Variants in MED25 observed in about 807,000 individuals in gnomAD.
MED25 encodes the protein mediator complex subunit 25, also known as mediator of RNA polymerase II transcription subunit 25.
MED25 carries 62 observed loss-of-function variants against 89.4 expected under a neutral mutation model. The ratio of observed to expected loss-of-function variants is 0.69; its 90% CI spans 0.57 to 0.86. The LOEUF is 0.86. MED25 is among the 40% of genes least tolerant of loss of function. MED25 has a pLI of 0.00. For synonymous variants in MED25, 449 were observed against 427.9 expected (o/e 1.05, Z -0.61); for missense variants, 905 against 1,005.2 (o/e 0.90, Z 1.35).
rs1055260585 is a variant in MED25, at chr19:49,818,439, A to T, written c.98A>T (p.Glu33Val). ...EGTANLGPYF[E>V]GLRKHYLLPA... ...ACGGCCAACCTGGGACCCTACTTCG[A>T]GGGGCTCCGCAAGCACTACCTGCTC... The change falls in exon 1 of 18, where the codon GAG (glutamate) becomes GTG (valine). Residue 33 changes from glutamate (E) to valine (V), a missense_variant. Around this residue, in one of 3 missense-constraint regions of MED25, gnomAD observed 501 missense variants for 526.9 expected, o/e 0.95. Coordinates refer to ENST00000312865, the MANE Select transcript of MED25 (RefSeq NM_030973.4). The T allele has an allele frequency of 6.2e-7, 1 of 1,613,880 alleles. No individual in the cohort carries two copies. Among genetic ancestry groups the T allele is most frequent in the South Asian group, 1.1e-5 (1 of 91,090 alleles).
Position 49,836,868 on chromosome 19 carries a change from G to T in MED25, c.2168G>T (p.Gly723Val). ...TCAGGTCAGATGCTGCTGAGCGGGG[G>T]TCCCCGGGGCCCGGTCCCCCAGCCG... ...PLPGQMLLSG[G>V]PRGPVPQPGL... The change falls in exon 18 of 18, where the codon GGT becomes GTT. Residue 723 changes from glycine to valine, a missense_variant. Gly to Val is a moderately radical substitution (Grantham distance 109). Around this residue, in one of 3 missense-constraint regions of MED25, gnomAD observed 271 missense variants for 258.1 expected, o/e 1.05. Coordinates refer to ENST00000312865, the MANE Select transcript of MED25 (RefSeq NM_030973.4). The surrounding 1 kb of genome is among the most constrained non-coding windows in gnomAD (Gnocchi z 5.1). 1 of 1,611,778 alleles carries T rather than the reference G, an allele frequency of 6.2e-7. No individual in the cohort carries two copies. The highest frequency in any genetic ancestry group is 1.1e-5 in the South Asian group (1 of 90,794).
chr19:49,818,988 C>T (rs117491473), intron 2 of MED25, 184 bp from the exon 3 acceptor site: 22,788 of 716,360 alleles, frequency 0.032, 811 homozygotes, highest in South Asian at 0.12. Flanking sequence ...GAGGAGGGGC[C>T]GGGGGCCTGG....
Position 49,834,585 on chromosome 19 carries a change from C to A in MED25, c.1483-401C>A. On this transcript the variant is annotated intron_variant, in intron 13 of 17. Coordinates refer to ENST00000312865, the MANE Select transcript of MED25 (RefSeq NM_030973.4). This position sits in a 1 kb window ranked among gnomAD's most constrained non-coding sequence, Gnocchi z 4.1. Reference sequence around the variant, plus strand: ...GAGGATCTCTTGGATACCCGGGGTCCGACCCACCGTTGATCACAGGCCTGT... The same window carrying A: ...GAGGATCTCTTGGATACCCGGGGTCAGACCCACCGTTGATCACAGGCCTGT... 3.2e-6 allele frequency: 1 copy of A among 308,024 alleles called. No individual in the cohort carries two copies. The highest frequency in any genetic ancestry group is 3.1e-5 in the South Asian group (1 of 32,364). The allele number at this position is 308,024 out of a possible 1,614,324, so 19.1% of individuals were successfully genotyped here.
At chr19:49,838,928 G>T, downstream of MED25, 1 of 372,068 alleles carries the variant, frequency 2.7e-6, no homozygotes, top group Admixed American at 3.4e-5. Flanking sequence ...ACAGCAGATG[G>T]CAAGTTTATA....
chr19:49,820,416 T>C lies in MED25; in HGVS notation c.305+1120T>C, dbSNP rs180674074. ...TGCTATGCAACCCAGATGTCCCTTA[T>C]CTAGGTTAGCCTAGGCACGGGCTTA... On this transcript the variant is annotated intron_variant, in intron 3 of 17. Coordinates refer to ENST00000312865, the MANE Select transcript of MED25 (RefSeq NM_030973.4). Among the ~76,000 whole-genome samples the C allele has an allele frequency of 1.2e-4, 18 of 152,372 alleles. No homozygotes were observed. In the East Asian group the frequency reaches 2.7e-3, roughly 23 times the overall value.
At position 49,835,795 on chromosome 19, in the gene MED25, C is replaced by G. The variant is rs1404881050; in HGVS notation, c.1815C>G (p.Pro605=). The G allele has an allele frequency of 6.2e-7, 1 of 1,607,958 alleles. No homozygotes were observed. The highest frequency in any genetic ancestry group is 8.5e-7 in the Non-Finnish European group (1 of 1,176,280). ...TVGASGATGQ[P]QPQGTAQPPP... ...GGGCCTCTGGGGCCACGGGGCAGCC[C>G]CAGCCCCAAGGTACTGCCCAGCCCC... The change falls in exon 16 of 18, where the codon CCC becomes CCG. Residue 605 remains proline (P), a synonymous_variant. Transcript: ENST00000312865. The surrounding 1 kb of genome is among the most constrained non-coding windows in gnomAD (Gnocchi z 6.2).
At position 49,836,412 on chromosome 19, in the gene MED25, G is replaced by A. The variant is rs756773643; in HGVS notation, c.2146+6G>A. On this transcript the variant is annotated splice_donor_region_variant and intron_variant, in intron 17 of 17. Transcript: ENST00000312865. This position sits in a 1 kb window ranked among gnomAD's most constrained non-coding sequence, Gnocchi z 5.1. The stretch of plus-strand genomic sequence containing the variant: ...CCCTCGGGCTCCACTGCCAGGTAAG[G>A]GGACCCGGGGGAGGGCAGAGGTCTG... The A allele has an allele frequency of 4.4e-6, 7 of 1,580,326 alleles. No homozygotes were observed. Among genetic ancestry groups the A allele is most frequent in the Non-Finnish European group, 3.4e-6 (4 of 1,162,752 alleles).
In MED25 at chr19:49,828,328, C is replaced by T. The variant is rs570231985; in HGVS notation, c.306-121C>T. ...TGGGTAGGGAACTCAGCAGGGTCCC[C>T]GTCATCCCAAGGTGCATAGCCCAGG... is the stretch of plus-strand genomic sequence containing the variant. On this transcript the variant is annotated intron_variant, in intron 3 of 17. Transcript: ENST00000312865. The T allele has an allele frequency of 1.7e-4, 124 of 743,132 alleles. 1 individual carries two copies. Among genetic ancestry groups the T allele is most frequent in the Non-Finnish European group, 1.1e-4 (45 of 409,944 alleles). 46.0% of individuals were successfully genotyped at this position (743,132 alleles called of 1,614,324 possible). A position where few individuals can be genotyped will look rare whatever the true frequency, so the allele number is the denominator to read the frequency against.
At chr19:49,825,275 GTCTC>G (rs547971264) in intron 3 of MED25, among the ~76,000 whole-genome samples, 1 of 151,604 alleles carries the variant, frequency 6.6e-6, no homozygotes, top group Non-Finnish European at 1.5e-5. Context: ...TTGAGATGGA[GTCTC>G]TCTCTCTCTC....
rs1025427946 is a variant in MED25, at chr19:49,836,091, C to T, written c.1966-135C>T. 35 of 1,511,494 alleles carry T rather than the reference C, an allele frequency of 2.3e-5. No homozygotes were observed. Among genetic ancestry groups the T allele is most frequent in the Admixed American group, 7.8e-5 (4 of 51,422 alleles). 93.6% of individuals were successfully genotyped at this position (1,511,494 alleles called of 1,614,324 possible). On this transcript the variant is annotated intron_variant, in intron 16 of 17. Coordinates refer to ENST00000312865, the MANE Select transcript of MED25 (RefSeq NM_030973.4). The surrounding 1 kb of genome is among the most constrained non-coding windows in gnomAD (Gnocchi z 5.1). Reference sequence around the variant, plus strand: ...GCTTTAGGCAGAAGGCAGACCGCCTCCTCTCCGTCCATCCCCCACCTTTGA... The same window carrying T: ...GCTTTAGGCAGAAGGCAGACCGCCTTCTCTCCGTCCATCCCCCACCTTTGA...
At chr19:49,818,919 G>A (rs982719803) in intron 2 of MED25, 3 of 578,894 alleles carry the variant, frequency 5.2e-6, no homozygotes, top group Admixed American at 3.0e-5. Context: ...GAGGAGCTGA[G>A]GCCTGGATTC....
In MED25 at chr19:49,835,523, T is replaced by A; in HGVS notation, c.1675-11T>A. 6.5e-7 allele frequency: 1 copy of A among 1,547,336 alleles called. No homozygotes were observed. Among genetic ancestry groups the A allele is most frequent in the African/African-American group, 1.4e-5 (1 of 73,176 alleles). Reference sequence around the variant, plus strand: ...CCTCAGTTACTGACCTGCCCCTCTCTCCCCGTGCAGATGGGGGGACAGCAG... The same window carrying A: ...CCTCAGTTACTGACCTGCCCCTCTCACCCCGTGCAGATGGGGGGACAGCAG... On this transcript the variant is annotated splice_polypyrimidine_tract_variant and intron_variant, in intron 14 of 17. Transcript: ENST00000312865. The surrounding 1 kb of genome is among the most constrained non-coding windows in gnomAD (Gnocchi z 6.2).
At chr19:49,822,640 C>CTTTTTTTTTTTTTTTTTTTTTTTTTTT (rs536060694) in intron 3 of MED25, among the ~76,000 whole-genome samples, 1 of 68,244 alleles carries the variant, frequency 1.5e-5, no homozygotes, top group Non-Finnish European at 2.5e-5. Flanking sequence ...CTGTTACATT[C>CTTTTTTTTTTTTTTTTTTTTTTTTTTT]TTTTTTTTTT....
Position 49,830,484 on chromosome 19 carries a change from CCTTCCCTT to C in MED25, c.820-16_820-9del, listed in dbSNP as rs761656110. 4 of 1,610,684 alleles carry C rather than the reference CCTTCCCTT, an allele frequency of 2.5e-6. No homozygotes were observed. The South Asian group carries it at 4.4e-5, about 18-fold the overall frequency. On this transcript the variant is annotated intron_variant, in intron 7 of 17. Transcript: ENST00000312865. This position sits in a 1 kb window ranked among gnomAD's most constrained non-coding sequence, Gnocchi z 4.6. ...TGGGGGGCCATGGTCCTCACCAGTCCCTTCCCTTCTTCCCTTCTACCCACAGGTTCCCG... is the reference window on the plus strand; with the variant it reads ...TGGGGGGCCATGGTCCTCACCAGTCCCTTCCCTTCTACCCACAGGTTCCCG...
chr19:49,837,121 C>T, downstream of MED25: 1 of 665,400 alleles, frequency 1.5e-6, no homozygotes. Context: ...GAGTCACAGG[C>T]AGTCTGGTGC....
At chr19:49,826,051 T>C (rs1017846578) in intron 3 of MED25, among the ~76,000 whole-genome samples, 13 of 151,988 alleles carry the variant, frequency 8.6e-5, no homozygotes, top group African/African-American at 3.1e-4. Context: ...CGTGCAAAGC[T>C]GTCTTGATGC....
In MED25 at chr19:49,818,618, T is replaced by A. The variant is rs2073956437; in HGVS notation, c.180+2T>A. 1 of 1,613,494 alleles carries A rather than the reference T, an allele frequency of 6.2e-7. No individual in the cohort carries two copies. The highest frequency in any genetic ancestry group is 8.5e-7 in the Non-Finnish European group (1 of 1,179,710). ...GCTGAGACGGACTTCGGGGGAGACGTGAGTCTAGGGACTCCTGGGCCTGAG... is the reference window on the plus strand; with the variant it reads ...GCTGAGACGGACTTCGGGGGAGACGAGAGTCTAGGGACTCCTGGGCCTGAG... On this transcript the variant is annotated splice_donor_variant, in intron 2 of 17. Coordinates refer to ENST00000312865, the MANE Select transcript of MED25 (RefSeq NM_030973.4). LOFTEE classifies it high-confidence loss of function.
intron 3 of MED25, among the ~76,000 whole-genome samples, chr19:49,828,244 C>A (rs954267679): frequency 6.7e-6 from 1 of 148,504 alleles, no homozygotes; most frequent in East Asian, 2.0e-4. Flanking sequence ...AAAAAAAAAA[C>A]ACAGACAGCA....
In MED25 at chr19:49,830,324, C is replaced by T; in HGVS notation, c.819+106C>T. 2 of 1,279,318 alleles carry T rather than the reference C, an allele frequency of 1.6e-6. No individual in the cohort carries two copies. The highest frequency in any genetic ancestry group is 2.2e-6 in the Non-Finnish European group (2 of 904,552). 79.2% of individuals were successfully genotyped at this position (1,279,318 alleles called of 1,614,324 possible). On this transcript the variant is annotated intron_variant, in intron 7 of 17. Coordinates refer to ENST00000312865, the MANE Select transcript of MED25 (RefSeq NM_030973.4). The surrounding 1 kb of genome is among the most constrained non-coding windows in gnomAD (Gnocchi z 4.6). The stretch of plus-strand genomic sequence containing the variant: ...TGGAGCTTGTGGGATGATGGGAGTC[C>T]CATGGGACATTGGGAAGGTGGGACT...
Sources: gnomAD v4.1 joint callset for allele counts (sites outside exome capture counted in the v4.1 genomes callset) on GRCh38, gnomAD v4.1.1 for gene constraint, gnomAD v4.1.1 regional missense constraint, Gnocchi (gnomAD v3.1) non-coding constraint, MANE v1.5 for transcripts, NCBI Gene and HGNC (gene_info 2026-07-23, HGNC 2026-07-21) for gene names.